The following TUB variants were observed in gnomAD, a reference collection of about 807,000 sequenced individuals.
TUB encodes the protein tubby protein homolog.
Under a neutral mutation model 59.7 loss-of-function variants are expected in TUB, and 33 were observed. The observed-to-expected ratio is 0.55, with a 90% CI of 0.42 to 0.74. The LOEUF (loss-of-function observed/expected upper bound fraction) is 0.74. Among genes scored for constraint, TUB ranks in the 30% least tolerant of loss-of-function variants. The probability of loss-of-function intolerance (pLI) is 0.00; values close to 1 mark genes in which losing one functional copy is unlikely to be tolerated. For synonymous variants in TUB, 293 were observed against 256.4 expected, an observed-to-expected ratio of 1.14 and a Z score of -1.36; for missense variants, 659 against 672.0, an observed-to-expected ratio of 0.98 and a Z score of 0.21.
intron 2 of TUB, among the ~76,000 whole-genome samples, chr11:8,042,683 A>G (rs1419760936): frequency 6.6e-6 from 1 of 152,168 alleles, no homozygotes; most frequent in Admixed American, 6.5e-5. Context: ...TTTGGCTTAC[A>G]TTTCCCTGAT....
chr11:8,097,712 A>C lies in TUB; in HGVS notation c.886-2A>C. ...GAATATGACCTCATTCCACTCCCCA[A>C]GGTGTTCCTCCTGGCGGGAAGGAAG... On this transcript the variant is annotated splice_acceptor_variant, in intron 7 of 11. Transcript: ENST00000299506. LOFTEE classifies it high-confidence loss of function. 6.2e-7 allele frequency: 1 copy of C among 1,612,018 alleles called. No individual in the cohort carries two copies. Among genetic ancestry groups the C allele is most frequent in the Non-Finnish European group, 8.5e-7 (1 of 1,178,406 alleles).
At chr11:8,075,448 A>G (rs1229504581) in intron 2 of TUB, 2 of 152,242 alleles carry the variant, frequency 1.3e-5, no homozygotes, top group Non-Finnish European at 1.5e-5. Flanking sequence ...GGGGATTATA[A>G]TAGTACCTAC....
chr11:8,072,353 C>T lies in TUB; in HGVS notation c.204-17257C>T, dbSNP rs115830967. On this transcript the variant is annotated intron_variant, in intron 2 of 12. Transcript: ENST00000305253. ...CCCTCCTAGAGCCTAGGCAGGGCAGCAGTGGTGGGACCACCTGTTCTCACC... is the reference window on the plus strand; with the variant it reads ...CCCTCCTAGAGCCTAGGCAGGGCAGTAGTGGTGGGACCACCTGTTCTCACC... 3.0e-3 allele frequency among the ~76,000 whole-genome samples: 453 copies of T among 152,246 alleles called. 2 individuals are homozygous for T. Among genetic ancestry groups the T allele is most frequent in the African/African-American group, 0.011 (442 of 41,548 alleles).
chr11:8,035,840 G>C (rs10839968), upstream of TUB: 131,627 of 152,310 alleles, frequency 0.86, 58,328 homozygotes, highest in East Asian at 1. Flanking sequence ...TCTAGGGGGA[G>C]GACAGCATGA....
At chr11:8,091,914 C>G (rs1489244791) in intron 3 of TUB, among the ~76,000 whole-genome samples, 1 of 152,252 alleles carries the variant, frequency 6.6e-6, no homozygotes, top group African/African-American at 2.4e-5. Context: ...TGTGGCATCA[C>G]AGCCCCAGCT....
chr11:8,101,452 C>T, intron 11 of TUB, 34 bp from the exon 12 acceptor site: 4 of 1,606,666 alleles, frequency 2.5e-6, no homozygotes, highest in Non-Finnish European at 3.4e-6. Flanking sequence ...CCTGTCCTGT[C>T]CTTTTCTCTG....
chr11:8,101,601 C>G lies in TUB; in HGVS notation c.1503C>G (p.Ser501Arg). Residue 501 changes from serine (S) to arginine (R), a missense_variant, in exon 12 of 12, where the codon AGC becomes AGG. Physicochemically the swap from Ser to Arg is moderately radical, Grantham distance 110. This residue lies in a region of TUB where 226 missense variants were observed against 210.8 expected (regional missense o/e 1.07). Transcript: ENST00000299506. ...AFAIALSSFD[S>R]KLACE Reference sequence around the variant, plus strand: ...CCATTGCCCTGTCCAGCTTCGACAGCAAGCTGGCGTGCGAGTAGAGGCCTC... The same window carrying G: ...CCATTGCCCTGTCCAGCTTCGACAGGAAGCTGGCGTGCGAGTAGAGGCCTC... 6.2e-7 allele frequency: 1 copy of G among 1,614,232 alleles called. No homozygotes were observed. The highest frequency in any genetic ancestry group is 2.2e-5 in the East Asian group (1 of 44,888).
intron 2 of TUB, chr11:8,075,972 C>T (rs531655459): frequency 6.6e-6 from 1 of 152,306 alleles, no homozygotes; most frequent in Admixed American, 6.5e-5. Flanking sequence ...TGGAGACCAC[C>T]CCATCGCTGG....
At chr11:8,080,076 T>C (rs1429960996), upstream of TUB, among the ~76,000 whole-genome samples, 2 of 152,188 alleles carry the variant, frequency 1.3e-5, no homozygotes, top group South Asian at 2.1e-4. Flanking sequence ...GGTCTGGCTG[T>C]AGCCCCAGGG....
Position 8,101,641 on chromosome 11 carries a change from G to T in TUB, c.*22G>T, listed in dbSNP as rs776962622. 2.5e-6 allele frequency: 4 copies of T among 1,613,450 alleles called. No individual in the cohort carries two copies. The highest frequency in any genetic ancestry group is 3.4e-6 in the Non-Finnish European group (4 of 1,179,734). Reference sequence around the variant, plus strand: ...GTAGAGGCCTCTTCGTGCCCTTTGGGGTTGCCCAGCCTGGAGCGGAGCTTG... The same window carrying T: ...GTAGAGGCCTCTTCGTGCCCTTTGGTGTTGCCCAGCCTGGAGCGGAGCTTG... On this transcript the variant is annotated 3_prime_UTR_variant, in exon 12 of 12. Coordinates refer to ENST00000299506, the MANE Select transcript of TUB (RefSeq NM_177972.3).
At chr11:8,035,065 A>G (rs1414939589), upstream of TUB, among the ~76,000 whole-genome samples, 1 of 152,232 alleles carries the variant, frequency 6.6e-6, no homozygotes, top group East Asian at 1.9e-4. Flanking sequence ...CCTCCCCTCC[A>G]GGGCTGAGAC....
At chr11:8,089,575 G>A (rs765523487) in intron 1 of TUB, 35 bp from the exon 2 acceptor site, 16 of 1,613,818 alleles carry the variant, frequency 9.9e-6, no homozygotes, top group African/African-American at 4.0e-5. Flanking sequence ...GGCACCTCAC[G>A]GGCAAGCCCT....
chr11:8,078,888 C>T (rs779074119), upstream of TUB, among the ~76,000 whole-genome samples: 7 of 152,008 alleles, frequency 4.6e-5, no homozygotes, highest in Non-Finnish European at 1.0e-4. Context: ...TTCATGCGTA[C>T]ACTGGCGCTC....
intron 2 of TUB, among the ~76,000 whole-genome samples, chr11:8,043,664 T>C (rs898527231): frequency 6.6e-6 from 1 of 152,218 alleles, no homozygotes; most frequent in Admixed American, 6.5e-5. Context: ...TATTCCTCAG[T>C]GTTTTATTCT....
rs139244652 is a variant in TUB, at chr11:8,054,445, G to GGAGA, written c.203+14772_203+14775dup. Among the ~76,000 whole-genome samples, 345 of 150,204 alleles carry GGAGA rather than the reference G, an allele frequency of 2.3e-3. 1 individual carries two copies. Among genetic ancestry groups the GGAGA allele is most frequent in the African/African-American group, 7.2e-3 (295 of 41,066 alleles). ...CTTGGGCCTGGCAGGGGCAAGGGCT[G>GGAGA]GAGAGAGAGAGAGAGAGAGAGACAG... On this transcript the variant is annotated intron_variant, in intron 2 of 12. Transcript: ENST00000305253.
intron 2 of TUB, among the ~76,000 whole-genome samples, chr11:8,040,776 G>T (rs540660935): frequency 2.6e-5 from 4 of 152,316 alleles, no homozygotes; most frequent in East Asian, 3.9e-4. Context: ...GACTGTTAAT[G>T]AGGCTTGAGA....
chr11:8,044,082 A>G (rs1021393349), intron 2 of TUB, among the ~76,000 whole-genome samples: 1 of 151,618 alleles, frequency 6.6e-6, no homozygotes, highest in Non-Finnish European at 1.5e-5. Context: ...CGTTTCTTCC[A>G]CTGAATGTCT....
chr11:8,038,259 T>C (rs145269311), upstream of TUB, among the ~76,000 whole-genome samples: 597 of 152,252 alleles, frequency 3.9e-3, 8 homozygotes, highest in African/African-American at 0.014. Context: ...AATGCAGCCT[T>C]GGATGTTCTC....
chr11:8,025,959 G>C (rs1056721509), intron 1 of TUB, among the ~76,000 whole-genome samples: 1 of 152,180 alleles, frequency 6.6e-6, no homozygotes, highest in Admixed American at 6.5e-5. Flanking sequence ...ATTCCTCTGC[G>C]TTTTTGTGAC....
Sources: gnomAD v4.1 joint callset for allele counts (sites outside exome capture counted in the v4.1 genomes callset) on GRCh38, gnomAD v4.1.1 for gene constraint, gnomAD v4.1.1 regional missense constraint, MANE v1.5 for transcripts, NCBI Gene and HGNC (gene_info 2026-07-23, HGNC 2026-07-21) for gene names.